PSMD9: variants seen among roughly 807,000 people sequenced by gnomAD.
The protein encoded by PSMD9 is 26S proteasome non-ATPase regulatory subunit 9.
PSMD9 carries 26 observed loss-of-function variants against 25.9 expected under a neutral mutation model. The observed-to-expected ratio is 1.00, with a 90% CI of 0.73 to 1.39. PSMD9 has a LOEUF of 1.39. Among genes scored for constraint, PSMD9 ranks in the 40% most tolerant of loss-of-function variants. The pLI is 0.00. For synonymous variants in PSMD9, 110 were observed against 114.5 expected (o/e 0.96, Z 0.25); for missense variants, 303 against 299.3 (o/e 1.01, Z -0.09).
At position 121,917,998 on chromosome 12, in the gene PSMD9, TC is replaced by T. The variant is rs1466159717; in HGVS notation, c.*1688del. ...GCAGAGAGCCTTCTGCCTCAGTGGC[TC>T]TGGCTGGTTTCCTGCAGGGGTCCCA... On this transcript the variant is annotated 3_prime_UTR_variant, in exon 6 of 6. Coordinates refer to ENST00000541212, the MANE Select transcript of PSMD9 (RefSeq NM_002813.7). 2.0e-5 allele frequency: 3 copies of T among 152,224 alleles called. No individual in the cohort carries two copies. The highest frequency in any genetic ancestry group is 4.4e-5 in the Non-Finnish European group (3 of 68,036). The allele number at this position is 152,224 out of a possible 1,614,324, so 9.4% of individuals were successfully genotyped here. A position where few individuals can be genotyped will look rare whatever the true frequency, so the allele number is the denominator to read the frequency against.
At chr12:121,913,669 T>A (rs1166879124) in intron 4 of PSMD9, among the ~76,000 whole-genome samples, 1 of 151,544 alleles carries the variant, frequency 6.6e-6, no homozygotes, top group East Asian at 1.9e-4. Context: ...TTAAAAAAAA[T>A]ATATGTTTTT....
intron 2 of PSMD9, among the ~76,000 whole-genome samples, chr12:121,896,707 G>T (rs576964786): frequency 1.3e-5 from 2 of 149,602 alleles, no homozygotes; most frequent in Non-Finnish European, 3.0e-5. Flanking sequence ...ATGGTGGCAC[G>T]AACCTGTAAT....
At chr12:121,900,371 G>A (rs1438961192) in intron 3 of PSMD9, among the ~76,000 whole-genome samples, 6 of 151,696 alleles carry the variant, frequency 4.0e-5, no homozygotes, top group Non-Finnish European at 7.4e-5. Context: ...CAGCCTGGGT[G>A]ACAGAGTGAG....
At chr12:121,912,939 CTT>C (rs199915628) in intron 4 of PSMD9, among the ~76,000 whole-genome samples, 323 of 129,300 alleles carry the variant, frequency 2.5e-3, no homozygotes, top group African/African-American at 8.1e-3. Flanking sequence ...CTTTTCTTTT[CTT>C]TTTTTTTTTT....
At position 121,918,119 on chromosome 12, in the gene PSMD9, C is replaced by T. The variant is rs959242819; in HGVS notation, c.*1808C>T. 1 of 152,182 alleles carries T rather than the reference C, an allele frequency of 6.6e-6. No homozygotes were observed. The highest frequency in any genetic ancestry group is 1.5e-5 in the Non-Finnish European group (1 of 68,042). 9.4% of individuals were successfully genotyped at this position (152,182 alleles called of 1,614,324 possible). ...ATGATCCTAATAGATATAGCCAGAC[C>T]GGTTTTGCGGAAACGCTTTGTGCTG... On this transcript the variant is annotated 3_prime_UTR_variant, in exon 6 of 6. Coordinates refer to ENST00000541212, the MANE Select transcript of PSMD9 (RefSeq NM_002813.7). This position sits in a 1 kb window ranked among gnomAD's most constrained non-coding sequence, Gnocchi z 4.3.
chr12:121,894,001 G>C (rs923923011), intron 1 of PSMD9: 1 of 152,108 alleles, frequency 6.6e-6, no homozygotes, highest in African/African-American at 2.4e-5. Flanking sequence ...GCTTAGAGAG[G>C]AGAAGGTCTC....
In PSMD9 at chr12:121,903,091, T is replaced by C. The variant is rs1879447320; in HGVS notation, c.539T>C (p.Val180Ala). ...FQSLHNIGSV[V>A]QHSEGKPLNV... ...TCACTGCATAACATTGGCAGTGTGG[T>C]GCAGCACAGTGAGGGGGTGAGTGGG... Residue 180 changes from valine to alanine, a missense_variant, in exon 4 of 6, where the codon GTG becomes GCG. Val to Ala is a moderately conservative substitution (Grantham distance 64). Coordinates refer to ENST00000541212, the MANE Select transcript of PSMD9 (RefSeq NM_002813.7). 5.6e-6 allele frequency: 9 copies of C among 1,613,880 alleles called. No individual in the cohort carries two copies. Among genetic ancestry groups the C allele is most frequent in the Non-Finnish European group, 7.6e-6 (9 of 1,179,858 alleles).
chr12:121,903,055 A>T lies in PSMD9; in HGVS notation c.503A>T (p.Gln168Leu), dbSNP rs1879446209. ...GTGGAGTTCGGCTCTGTGAACACCC[A>T]GAACTTCCAGTCACTGCATAACATT... The part of the protein sequence containing the change: ...EIVEFGSVNT[Q>L]NFQSLHNIGS... The change falls in exon 4 of 6, where the codon CAG becomes CTG. Residue 168 changes from glutamine to leucine, a missense_variant. Physicochemically the swap from Gln to Leu is moderately radical, Grantham distance 113. Coordinates refer to ENST00000541212, the MANE Select transcript of PSMD9 (RefSeq NM_002813.7). 1 of 1,614,054 alleles carries T rather than the reference A, an allele frequency of 6.2e-7. No homozygotes were observed. Among genetic ancestry groups the T allele is most frequent in the Admixed American group, 1.7e-5 (1 of 59,986 alleles).
intron 3 of PSMD9, among the ~76,000 whole-genome samples, chr12:121,901,239 A>G (rs541767840): frequency 9.9e-5 from 15 of 152,154 alleles, no homozygotes; most frequent in African/African-American, 3.6e-4. Flanking sequence ...GTCTCTATGT[A>G]TTTGTCTATT....
chr12:121,910,725 A>G (rs1592949637), intron 4 of PSMD9, among the ~76,000 whole-genome samples: 1 of 151,718 alleles, frequency 6.6e-6, no homozygotes, highest in South Asian at 2.1e-4. Flanking sequence ...ACGCCACTGC[A>G]CTCTGGCCTG....
chr12:121,903,108 G>C lies in PSMD9; in HGVS notation c.555+1G>C. The C allele has an allele frequency of 6.2e-7, 1 of 1,612,722 alleles. No homozygotes were observed. The highest frequency in any genetic ancestry group is 8.5e-7 in the Non-Finnish European group (1 of 1,178,870). On this transcript the variant is annotated splice_donor_variant, in intron 4 of 5. Transcript: ENST00000541212. LOFTEE classifies it high-confidence loss of function. ...CAGTGTGGTGCAGCACAGTGAGGGG[G>C]TGAGTGGGGCTACCTGGTGTCTCGG...
At chr12:121,915,211 G>A (rs903869918) in intron 4 of PSMD9, 1 of 151,916 alleles carries the variant, frequency 6.6e-6, no homozygotes. Flanking sequence ...TGTAGTCCCA[G>A]CTACTCAGGA....
Position 121,899,795 on chromosome 12 carries a change from G to T in PSMD9, c.403G>T (p.Ala135Ser), listed in dbSNP as rs866551086. The part of the protein sequence containing the change: ...GQSESQGPPR[A>S]FAKVNSISPG... ...GAGTGAGAGCCAGGGCCCTCCACGG[G>T]CCTTCGCCAAAGTGAACAGCATCAG... is the stretch of plus-strand genomic sequence containing the variant. The change falls in exon 3 of 6, where the codon GCC (alanine) becomes TCC (serine). Residue 135 changes from alanine to serine, a missense_variant. Physicochemically the swap from Ala to Ser is moderately conservative, Grantham distance 99. Coordinates refer to ENST00000541212, the MANE Select transcript of PSMD9 (RefSeq NM_002813.7). 7 of 1,613,948 alleles carry T rather than the reference G, an allele frequency of 4.3e-6. No individual in the cohort carries two copies. The highest frequency in any genetic ancestry group is 1.3e-5 in the African/African-American group (1 of 74,938).
At chr12:121,900,008 G>T in intron 3 of PSMD9, 163 bp downstream of exon 3, 1 of 832,340 alleles carries the variant, frequency 1.2e-6, no homozygotes, top group Non-Finnish European at 1.9e-6. Flanking sequence ...ATCCAGCCCT[G>T]TGCTGGGGGC....
intron 3 of PSMD9, among the ~76,000 whole-genome samples, chr12:121,901,704 C>T (rs1438239198): frequency 1.0e-5 from 1 of 99,948 alleles, no homozygotes; most frequent in Non-Finnish European, 1.8e-5. Context: ...GAGACGGAGT[C>T]TCGCTCTGTC....
chr12:121,911,870 C>T (rs1879733347), intron 4 of PSMD9, among the ~76,000 whole-genome samples: 2 of 151,788 alleles, frequency 1.3e-5, no homozygotes, highest in South Asian at 4.1e-4. Context: ...CCAGGCTCGC[C>T]TCGAACTCCT....
chr12:121,893,646 G>A (rs537951114), intron 1 of PSMD9, among the ~76,000 whole-genome samples: 11 of 152,162 alleles, frequency 7.2e-5, no homozygotes, highest in African/African-American at 2.7e-4. Flanking sequence ...GCCTACAGCT[G>A]TGTCACTTGA....
intron 3 of PSMD9, 100 bp downstream of exon 3, chr12:121,899,945 C>T (rs1028930780): frequency 1.7e-5 from 22 of 1,324,402 alleles, no homozygotes; most frequent in South Asian, 1.1e-4. Context: ...CTCCGTGCTG[C>T]GGTGCTGAGT....
Position 121,906,816 on chromosome 12 carries a change from CA to C in PSMD9, c.555+3722del, listed in dbSNP as rs577687349. ...GCCGCACAGCGAGACTCTCCCATCT[CA>C]AAAAAAAAAAAATTAGGTGTGGTGG... On this transcript the variant is annotated intron_variant, in intron 4 of 5. Coordinates refer to ENST00000541212, the MANE Select transcript of PSMD9 (RefSeq NM_002813.7). 9.7e-3 allele frequency among the ~76,000 whole-genome samples: 1,301 copies of C among 134,628 alleles called. 11 individuals are homozygous for C. Among genetic ancestry groups the C allele is most frequent in the African/African-American group, 0.029 (1,067 of 36,808 alleles). The allele number at this position is 134,628 out of a possible 152,430, so 88.3% of individuals were successfully genotyped here.
Sources: gnomAD v4.1 joint callset for allele counts (sites outside exome capture counted in the v4.1 genomes callset) on GRCh38, gnomAD v4.1.1 for gene constraint, Gnocchi (gnomAD v3.1) non-coding constraint, MANE v1.5 for transcripts, NCBI Gene and HGNC (gene_info 2026-07-23, HGNC 2026-07-21) for gene names.